The following DCBLD2 variants were observed in gnomAD, a reference collection of about 807,000 sequenced individuals.
The protein encoded by DCBLD2 is discoidin, CUB and LCCL domain containing 2.
Under a neutral mutation model 86.8 loss-of-function variants are expected in DCBLD2, and 54 were observed. The ratio of observed to expected loss-of-function variants is 0.62; its 90% CI spans 0.50 to 0.78. The LOEUF is 0.78. Ranked by LOEUF, DCBLD2 falls within the 30% of genes least tolerant of loss-of-function variation. DCBLD2 has a pLI of 0.00. For missense variants in DCBLD2, 908 were observed against 954.2 expected, an observed-to-expected ratio of 0.95 and a Z score of 0.64; for synonymous variants, 354 against 341.3, an observed-to-expected ratio of 1.04 and a Z score of -0.41.
At chr3:98,870,737 AAAAGAAAGAAAGAAAGAAAG>A (rs199615171) in intron 2 of DCBLD2, among the ~76,000 whole-genome samples, 776 of 69,806 alleles carry the variant, frequency 0.011, 4 homozygotes, top group Middle Eastern at 0.027. Context: ...AAAAGAAAGA[AAAAGAAAGAAAGAAAGAAAG>A]AAAGAAAGAA....
At chr3:98,885,679 A>C (rs943680371) in intron 1 of DCBLD2, among the ~76,000 whole-genome samples, 3 of 151,658 alleles carry the variant, frequency 2.0e-5, no homozygotes, top group Admixed American at 2.0e-4. Context: ...CTATTCCACC[A>C]AGATACTTAA....
At chr3:98,804,443 C>T (rs1288444114) in intron 13 of DCBLD2, among the ~76,000 whole-genome samples, 5 of 151,980 alleles carry the variant, frequency 3.3e-5, no homozygotes, top group Non-Finnish European at 7.4e-5. Context: ...CTCTTTTCTT[C>T]TTTATTAGTC....
intron 13 of DCBLD2, among the ~76,000 whole-genome samples, chr3:98,804,072 G>A (rs1490102227): frequency 6.6e-6 from 1 of 152,174 alleles, no homozygotes; most frequent in Non-Finnish European, 1.5e-5. Flanking sequence ...AAATGAGTTA[G>A]GGAGGATTCC....
At chr3:98,841,484 G>A (rs1170519108) in intron 3 of DCBLD2, among the ~76,000 whole-genome samples, 4 of 152,250 alleles carry the variant, frequency 2.6e-5, no homozygotes. Flanking sequence ...ATAATACCAT[G>A]AAAATATATT....
chr3:98,875,209 T>A (rs1458725828), intron 2 of DCBLD2, among the ~76,000 whole-genome samples: 2 of 151,796 alleles, frequency 1.3e-5, no homozygotes, highest in East Asian at 3.9e-4. Flanking sequence ...TTTTAAAAAC[T>A]CAGTAAAATA....
Position 98,808,061 on chromosome 3 carries a change from T to G in DCBLD2, c.1670+20A>C. 6 of 1,521,170 alleles carry G rather than the reference T, an allele frequency of 3.9e-6. No individual in the cohort carries two copies. Among genetic ancestry groups the G allele is most frequent in the Non-Finnish European group, 4.4e-6 (5 of 1,136,116 alleles). The allele number at this position is 1,521,170 out of a possible 1,614,324, so 94.2% of individuals were successfully genotyped here. A position where few individuals can be genotyped will look rare whatever the true frequency, so the allele number is the denominator to read the frequency against. On this transcript the variant is annotated intron_variant, in intron 13 of 15. Transcript: ENST00000326840. ...CACATTTGGTAGTTTTGGACTCAGG[T>G]GAACTAGTTATGTACTAACCTGTTT...
chr3:98,877,725 G>A (rs995683202), intron 2 of DCBLD2, among the ~76,000 whole-genome samples: 5 of 152,110 alleles, frequency 3.3e-5, no homozygotes, highest in African/African-American at 4.8e-5. Context: ...CCACTAAAAA[G>A]AACCAGGGTT....
At chr3:98,838,116 C>T (rs1310269021) in intron 3 of DCBLD2, among the ~76,000 whole-genome samples, 61 of 138,546 alleles carry the variant, frequency 4.4e-4, no homozygotes, top group Middle Eastern at 7.9e-3. Flanking sequence ...ACCTCCCTCC[C>T]GGATGGGGCG....
chr3:98,901,377 C>A lies in DCBLD2; in HGVS notation c.-51G>T. ...TAGTGCGGGTGCCTCGGCAGCCCCGCGCGCCTCTGGCCGCGGCACCCGACC... is the reference window on the plus strand; with the variant it reads ...TAGTGCGGGTGCCTCGGCAGCCCCGAGCGCCTCTGGCCGCGGCACCCGACC... On this transcript the variant is annotated 5_prime_UTR_variant, in exon 1 of 16. Coordinates refer to ENST00000326840, the MANE Select transcript of DCBLD2 (RefSeq NM_080927.4). 1 of 1,272,504 alleles carries A rather than the reference C, an allele frequency of 7.9e-7. No individual in the cohort carries two copies. The highest frequency in any genetic ancestry group is 9.8e-7 in the Non-Finnish European group (1 of 1,015,604). 78.8% of individuals were successfully genotyped at this position (1,272,504 alleles called of 1,614,324 possible).
chr3:98,881,670 C>T lies in DCBLD2; in HGVS notation c.303G>A (p.Trp101Ter). The T allele has an allele frequency of 6.2e-7, 1 of 1,613,870 alleles. No individual in the cohort carries two copies. Reference protein sequence around the residue: ...QTYPNSTVCEWEIRVKMGERV... With the variant: ...QTYPNSTVCE The stretch of plus-strand genomic sequence containing the variant: ...TCTCTCCCATCTTTACACGGATCTC[C>T]CATTCACAAACAGTGCTGTTGGGAT... Residue 101 changes from tryptophan to a stop codon, truncating the protein, a stop_gained, in exon 2 of 16, where the codon TGG becomes TGA. Transcript: ENST00000326840. LOFTEE classifies it high-confidence loss of function.
intron 3 of DCBLD2, among the ~76,000 whole-genome samples, chr3:98,841,186 C>T (rs924521724): frequency 6.6e-6 from 1 of 152,116 alleles, no homozygotes; most frequent in African/African-American, 2.4e-5. Context: ...GCTCTGAAGG[C>T]AGGATAATGT....
chr3:98,886,876 T>C (rs1972432), intron 1 of DCBLD2, among the ~76,000 whole-genome samples: 144,417 of 148,604 alleles, frequency 0.97, 70,329 homozygotes, highest in East Asian at 1. Flanking sequence ...ATTTAAATGA[T>C]AATGAATTAT....
intron 13 of DCBLD2, among the ~76,000 whole-genome samples, chr3:98,803,690 A>G (rs554918199): frequency 6.6e-6 from 1 of 152,312 alleles, no homozygotes; most frequent in South Asian, 2.1e-4. Flanking sequence ...TTTGTCATAC[A>G]TAGCTCTTAT....
intron 12 of DCBLD2, among the ~76,000 whole-genome samples, chr3:98,809,194 A>T (rs1941890450): frequency 6.6e-6 from 1 of 152,072 alleles, no homozygotes. Context: ...ATAGAAAATG[A>T]TCTGCCTAAG....
intron 3 of DCBLD2, among the ~76,000 whole-genome samples, chr3:98,845,872 C>G (rs1437259978): frequency 4.6e-5 from 7 of 152,154 alleles, no homozygotes; most frequent in African/African-American, 1.7e-4. Flanking sequence ...AACTCCAATC[C>G]TTCACTTCTC....
intron 3 of DCBLD2, among the ~76,000 whole-genome samples, chr3:98,833,064 C>T (rs1256958135): frequency 2.0e-5 from 3 of 152,154 alleles, no homozygotes; most frequent in Non-Finnish European, 4.4e-5. Flanking sequence ...TCAGGGATAT[C>T]AGTGATTTGC....
intron 1 of DCBLD2, among the ~76,000 whole-genome samples, chr3:98,896,799 A>G (rs1943757973): frequency 6.6e-6 from 1 of 152,224 alleles, no homozygotes; most frequent in African/African-American, 2.4e-5. Flanking sequence ...GTCTCACTTC[A>G]TATTTCAACA....
chr3:98,844,833 C>A (rs192031069), intron 3 of DCBLD2, among the ~76,000 whole-genome samples: 2 of 152,176 alleles, frequency 1.3e-5, no homozygotes, highest in Admixed American at 1.3e-4. Context: ...TCCACATACA[C>A]GTTCAAATTT....
At chr3:98,822,143 T>C (rs1942131238) in intron 6 of DCBLD2, 85 bp downstream of exon 6, 1 of 1,478,436 alleles carries the variant, frequency 6.8e-7, no homozygotes, top group Non-Finnish European at 9.5e-7. Context: ...GTGATACTGC[T>C]GAGATCTAGC....
Sources: allele counts gnomAD v4.1 joint callset (sites outside exome capture counted in the v4.1 genomes callset), GRCh38; gene constraint gnomAD v4.1.1; transcripts MANE v1.5; gene names NCBI Gene and HGNC (gene_info 2026-07-23, HGNC 2026-07-21).